The following MAML2 variants were observed in gnomAD, a reference collection of about 807,000 sequenced individuals.
MAML2 encodes mastermind like transcriptional coactivator 2.
In MAML2, 22 loss-of-function variants were observed where a neutral mutation model predicts 96.1. The observed-to-expected ratio is 0.23, with a 90% CI of 0.16 to 0.33. The LOEUF (loss-of-function observed/expected upper bound fraction) is 0.33, where lower values mean the gene tolerates loss of function less well. Among genes scored for constraint, MAML2 ranks in the 10% least tolerant of loss-of-function variants. MAML2 has a pLI of 1.00. For synonymous variants in MAML2, 561 were observed against 521.3 expected (o/e 1.08, Z -1.04); for missense variants, 1,367 against 1,392.4 (o/e 0.98, Z 0.29).
chr11:96,149,090 C>T (rs778117396), intron 1 of MAML2, among the ~76,000 whole-genome samples: 3 of 152,226 alleles, frequency 2.0e-5, no homozygotes, highest in East Asian at 1.9e-4. Flanking sequence ...AGTCATGTGC[C>T]TCATCCACGG....
chr11:96,172,749 C>T (rs1164739132), intron 1 of MAML2, among the ~76,000 whole-genome samples: 3 of 152,160 alleles, frequency 2.0e-5, no homozygotes, highest in Non-Finnish European at 4.4e-5. Flanking sequence ...TGAATTTACT[C>T]AGCTGGTTTT....
intron 1 of MAML2, among the ~76,000 whole-genome samples, chr11:96,255,819 T>G (rs1370509176): frequency 6.6e-6 from 1 of 151,614 alleles, no homozygotes; most frequent in Non-Finnish European, 1.5e-5. Flanking sequence ...AGCTTATTGC[T>G]TATTGTCGGA....
chr11:96,326,791 A>C (rs1197722273), intron 1 of MAML2, among the ~76,000 whole-genome samples: 1 of 148,190 alleles, frequency 6.7e-6, no homozygotes, highest in Non-Finnish European at 1.5e-5. Context: ...AATAAATAAC[A>C]AAACAAAAAA....
intron 1 of MAML2, among the ~76,000 whole-genome samples, chr11:96,282,634 T>C (rs145480666): frequency 6.6e-6 from 1 of 152,358 alleles, no homozygotes; most frequent in Admixed American, 6.5e-5. Flanking sequence ...CAGGAAAAAG[T>C]GAGGTTTCTT....
At chr11:96,272,167 C>T (rs545295562) in intron 1 of MAML2, among the ~76,000 whole-genome samples, 2 of 151,460 alleles carry the variant, frequency 1.3e-5, no homozygotes, top group South Asian at 4.2e-4. Flanking sequence ...ATCCAACATC[C>T]TATGCATTGT....
At chr11:96,189,148 A>C (rs1224808983) in intron 1 of MAML2, among the ~76,000 whole-genome samples, 1 of 151,870 alleles carries the variant, frequency 6.6e-6, no homozygotes, top group Admixed American at 6.6e-5. Context: ...TATCTAGTTT[A>C]ATACAAGAGG....
At chr11:96,053,037 C>T (rs1240298524) in intron 2 of MAML2, among the ~76,000 whole-genome samples, 2 of 152,240 alleles carry the variant, frequency 1.3e-5, no homozygotes, top group African/African-American at 4.8e-5. Context: ...ACTCCACTTA[C>T]TTCATCTGGC....
At chr11:96,048,149 T>C (rs1590981042) in intron 2 of MAML2, among the ~76,000 whole-genome samples, 1 of 152,076 alleles carries the variant, frequency 6.6e-6, no homozygotes, top group Admixed American at 6.6e-5. Flanking sequence ...TCTAGTTACC[T>C]CAGCACTTCA....
chr11:96,087,215 C>G (rs577477649), intron 2 of MAML2, among the ~76,000 whole-genome samples: 1 of 152,134 alleles, frequency 6.6e-6, no homozygotes, highest in Admixed American at 6.5e-5. Context: ...GACAGAAGAA[C>G]AAAAAAGACA....
chr11:96,329,295 G>A lies in MAML2; in HGVS notation c.513+12088C>T, dbSNP rs577754918. Among the ~76,000 whole-genome samples, 66 of 152,248 alleles carry A rather than the reference G, an allele frequency of 4.3e-4. No homozygotes were observed. The South Asian group carries it at 0.014, about 32-fold the overall frequency. ...AGTCCCTCAGAATATGGCCAGAGAT[G>A]GAGTGATTTGTTCATTACTTCTAGG... On this transcript the variant is annotated intron_variant, in intron 1 of 4. Transcript: ENST00000524717.
intron 2 of MAML2, among the ~76,000 whole-genome samples, chr11:96,020,274 C>T (rs1198753543): frequency 1.3e-5 from 2 of 152,196 alleles, no homozygotes; most frequent in African/African-American, 2.4e-5. Context: ...ATCAGATTCT[C>T]ATTTTTGAAA....
chr11:96,105,975 A>G (rs978474853), intron 1 of MAML2, among the ~76,000 whole-genome samples: 3 of 152,204 alleles, frequency 2.0e-5, no homozygotes, highest in Non-Finnish European at 4.4e-5. Context: ...TGCTTTCTAT[A>G]AGGCCTGAAT....
chr11:96,056,108 G>T (rs1859062313), intron 2 of MAML2, among the ~76,000 whole-genome samples: 1 of 152,122 alleles, frequency 6.6e-6, no homozygotes. Flanking sequence ...CTGGAAGGCG[G>T]TTTTCATCTA....
In MAML2 at chr11:96,239,454, C is replaced by T. The variant is rs530841371; in HGVS notation, c.513+101929G>A. ...TCAATTTCAGAGTAAAGGCAGATTCCTAGGACGAAATCAAGAATGTTCAGA... is the reference window on the plus strand; with the variant it reads ...TCAATTTCAGAGTAAAGGCAGATTCTTAGGACGAAATCAAGAATGTTCAGA... On this transcript the variant is annotated intron_variant, in intron 1 of 4. Coordinates refer to ENST00000524717, the MANE Select transcript of MAML2 (RefSeq NM_032427.4). Among the ~76,000 whole-genome samples, 66 of 152,254 alleles carry T rather than the reference C, an allele frequency of 4.3e-4. 1 individual carries two copies. The South Asian group carries it at 0.013, about 30-fold the overall frequency.
chr11:95,995,371 G>T (rs2135713057), intron 2 of MAML2, among the ~76,000 whole-genome samples: 1 of 152,242 alleles, frequency 6.6e-6, no homozygotes, highest in Admixed American at 6.5e-5. Flanking sequence ...GCTTAGCTCA[G>T]GTCTCTGTTA....
At chr11:96,296,806 G>A (rs1197186315) in intron 1 of MAML2, among the ~76,000 whole-genome samples, 1 of 152,046 alleles carries the variant, frequency 6.6e-6, no homozygotes. Flanking sequence ...CTTTGGGTTG[G>A]GGGCCAAGAA....
At position 95,979,627 on chromosome 11, in the gene MAML2, C is replaced by T. The variant is rs1322133816; in HGVS notation, c.2792G>A (p.Gly931Asp). Reference sequence around the variant, plus strand: ...ATTTGGTCTCAATTGTTGTGAATTACCAACAGATCCAGCTCCAAAAGTGGC... The same window carrying T: ...ATTTGGTCTCAATTGTTGTGAATTATCAACAGATCCAGCTCCAAAAGTGGC... The part of the protein sequence containing the change: ...NVATFGAGSV[G>D]NSQQLRPNLT... Residue 931 changes from glycine to aspartate, a missense_variant, in exon 5 of 5, where the codon GGT becomes GAT. Physicochemically the swap from Gly to Asp is moderately conservative, Grantham distance 94. Transcript: ENST00000524717. 3 of 1,613,924 alleles carry T rather than the reference C, an allele frequency of 1.9e-6. No homozygotes were observed. Among genetic ancestry groups the T allele is most frequent in the Non-Finnish European group, 2.5e-6 (3 of 1,179,882 alleles).
In MAML2 at chr11:96,041,950, A is replaced by G. The variant is rs555847157; in HGVS notation, c.2139+49942T>C. On this transcript the variant is annotated intron_variant, in intron 2 of 4. Transcript: ENST00000524717. ...CAGCCTCTTGAGTAGCTGGGATTAC[A>G]GGCATATGCCACCACGCCCGGCTAA... 2.7e-5 allele frequency among the ~76,000 whole-genome samples: 4 copies of G among 148,898 alleles called. No individual in the cohort carries two copies. In the East Asian group the frequency reaches 8.0e-4, roughly 30 times the overall value.
At chr11:96,060,235 C>A (rs1266058488) in intron 2 of MAML2, among the ~76,000 whole-genome samples, 1 of 152,168 alleles carries the variant, frequency 6.6e-6, no homozygotes, top group African/African-American at 2.4e-5. Flanking sequence ...AATTTTCTGG[C>A]ACCATTTTAA....
Sources: gnomAD v4.1 joint callset for allele counts (sites outside exome capture counted in the v4.1 genomes callset) on GRCh38, gnomAD v4.1.1 for gene constraint, MANE v1.5 for transcripts, NCBI Gene and HGNC (gene_info 2026-07-23, HGNC 2026-07-21) for gene names.